BBS9: variants seen among roughly 807,000 people sequenced by gnomAD.
The protein encoded by BBS9 is Bardet-Biedl syndrome 9, also known as protein PTHB1.
A neutral mutation model predicts 117.7 loss-of-function variants in BBS9; 89 were observed. The observed-to-expected ratio is 0.76, with a 90% CI of 0.64 to 0.90. BBS9 has a LOEUF of 0.90. BBS9 is among the 40% of genes least tolerant of loss of function. BBS9 has a pLI of 0.00. For synonymous variants in BBS9, 379 were observed against 370.9 expected, an observed-to-expected ratio of 1.02 and a Z score of -0.25; for missense variants, 982 against 1,042.2, an observed-to-expected ratio of 0.94 and a Z score of 0.80.
chr7:33,314,788 A>G (rs1810122027), intron 9 of BBS9, among the ~76,000 whole-genome samples: 1 of 152,238 alleles, frequency 6.6e-6, no homozygotes, highest in African/African-American at 2.4e-5. Flanking sequence ...ACACACATGC[A>G]CAAAAATGCA....
intron 19 of BBS9, among the ~76,000 whole-genome samples, chr7:33,423,173 A>T (rs1360934114): frequency 1.3e-5 from 2 of 152,112 alleles, no homozygotes. Flanking sequence ...TGAGGGGCTG[A>T]GACATTAACA....
chr7:33,214,257 T>A (rs1222842295), intron 5 of BBS9, among the ~76,000 whole-genome samples: 1 of 152,158 alleles, frequency 6.6e-6, no homozygotes, highest in Non-Finnish European at 1.5e-5. Flanking sequence ...TACTCTCTGT[T>A]ATATCAGGGC....
intron 21 of BBS9, among the ~76,000 whole-genome samples, chr7:33,547,631 G>A (rs989699390): frequency 6.6e-6 from 1 of 152,154 alleles, no homozygotes; most frequent in Non-Finnish European, 1.5e-5. Flanking sequence ...GGGGTAAATG[G>A]TCAGGTTATA....
At chr7:33,241,755 T>G (rs1044101911) in intron 5 of BBS9, among the ~76,000 whole-genome samples, 2 of 152,106 alleles carry the variant, frequency 1.3e-5, no homozygotes, top group African/African-American at 4.8e-5. Flanking sequence ...ATTATTATAT[T>G]TTTTATTTCT....
In BBS9 at chr7:33,534,013, G is replaced by C. The variant is rs377403564; in HGVS notation, c.2358G>C (p.Lys786Asn). The change falls in exon 21 of 23, where the codon AAG becomes AAC. Residue 786 changes from lysine (K) to asparagine (N), a missense_variant. By Grantham distance (94) the Lys-to-Asn change is moderately conservative. Transcript: ENST00000242067. ...ACCTGTTGAAGACTTGCCTGTCGAA[G>C]AGTTCTAAGGAGCAGGCTTTGAACC... is the stretch of plus-strand genomic sequence containing the variant. ...ISHLLKTCLS[K>N]SSKEQALNLN... 6.8e-6 allele frequency: 11 copies of C among 1,614,110 alleles called. No homozygotes were observed. In the African/African-American group the frequency reaches 1.3e-4, roughly 20 times the overall value.
At chr7:33,141,173 A>C (rs1408533118) in intron 1 of BBS9, among the ~76,000 whole-genome samples, 1 of 151,962 alleles carries the variant, frequency 6.6e-6, no homozygotes, top group Non-Finnish European at 1.5e-5. Flanking sequence ...CTATAATTCC[A>C]CCACTTTGGG....
intron 5 of BBS9, among the ~76,000 whole-genome samples, chr7:33,194,746 T>TTC (rs1187654344): frequency 1.3e-5 from 2 of 152,226 alleles, no homozygotes; most frequent in African/African-American, 2.4e-5. Flanking sequence ...TACACTTTAT[T>TTC]TCTTCTAAGC....
In BBS9 at chr7:33,273,917, T is replaced by C; in HGVS notation, c.977T>C (p.Leu326Pro). The C allele has an allele frequency of 6.2e-7, 1 of 1,613,662 alleles. No individual in the cohort carries two copies. Among genetic ancestry groups the C allele is most frequent in the Non-Finnish European group, 8.5e-7 (1 of 1,179,724 alleles). ...QDVTLKWATQ[L>P]PHIPVAVRVG... ...GTGACACTGAAGTGGGCCACCCAAC[T>C]TCCCCACATTCCTGTAGCAGTAAGA... Residue 326 changes from leucine (L) to proline (P), a missense_variant, in exon 9 of 23, where the codon CTT (leucine) becomes CCT (proline). Physicochemically the swap from Leu to Pro is moderately conservative, Grantham distance 98. Coordinates refer to ENST00000242067, the MANE Select transcript of BBS9 (RefSeq NM_198428.3).
intron 19 of BBS9, among the ~76,000 whole-genome samples, chr7:33,424,346 T>A (rs1833321504): frequency 6.6e-6 from 1 of 152,198 alleles, no homozygotes; most frequent in Non-Finnish European, 1.5e-5. Context: ...TGTATACATT[T>A]GACACTTTAG....
At chr7:33,551,202 A>C (rs13224193) in intron 21 of BBS9, among the ~76,000 whole-genome samples, 161 of 152,288 alleles carry the variant, frequency 1.1e-3, no homozygotes, top group Non-Finnish European at 1.5e-3. Flanking sequence ...TTGTCCTCGT[A>C]AGGATCATAG....
intron 5 of BBS9, among the ~76,000 whole-genome samples, chr7:33,201,983 G>T (rs1306647506): frequency 6.6e-6 from 1 of 152,154 alleles, no homozygotes; most frequent in Non-Finnish European, 1.5e-5. Flanking sequence ...TGAAAAGCTT[G>T]GTTGTCTGCC....
intron 20 of BBS9, among the ~76,000 whole-genome samples, chr7:33,521,699 T>C (rs1296854026): frequency 6.6e-6 from 1 of 152,166 alleles, no homozygotes; most frequent in African/African-American, 2.4e-5. Flanking sequence ...CTTTCATTTT[T>C]ATGTTATTTT....
At chr7:33,416,599 G>A (rs1315272186) in intron 19 of BBS9, among the ~76,000 whole-genome samples, 1 of 152,064 alleles carries the variant, frequency 6.6e-6, no homozygotes, top group Non-Finnish European at 1.5e-5. Flanking sequence ...AGTGCCTGTT[G>A]TGTGCCAGAC....
chr7:33,359,382 C>T (rs1014058748), intron 16 of BBS9, among the ~76,000 whole-genome samples: 2 of 151,918 alleles, frequency 1.3e-5, no homozygotes, highest in Middle Eastern at 3.2e-3. Context: ...CCATAAGATA[C>T]GAATTGTATA....
chr7:33,473,986 G>A (rs2128960261), intron 19 of BBS9, among the ~76,000 whole-genome samples: 1 of 152,286 alleles, frequency 6.6e-6, no homozygotes, highest in Non-Finnish European at 1.5e-5. Flanking sequence ...GGAAAATGAG[G>A]TTGTTTACAC....
chr7:33,578,098 CAT>C (rs1859251655), intron 21 of BBS9, among the ~76,000 whole-genome samples: 1 of 152,160 alleles, frequency 6.6e-6, no homozygotes, highest in African/African-American at 2.4e-5. Flanking sequence ...TGGATTCAGA[CAT>C]ATCTTTGCCC....
At chr7:33,619,030 A>G (rs1865279228) in intron 21 of BBS9, among the ~76,000 whole-genome samples, 1 of 152,166 alleles carries the variant, frequency 6.6e-6, no homozygotes, top group African/African-American at 2.4e-5. Context: ...CATTAAATAT[A>G]AATAGATTCT....
intron 5 of BBS9, among the ~76,000 whole-genome samples, chr7:33,239,184 T>A (rs761826865): frequency 2.6e-5 from 4 of 152,126 alleles, no homozygotes; most frequent in Non-Finnish European, 5.9e-5. Flanking sequence ...AAGTGACATC[T>A]TCTTATATTT....
At chr7:33,593,083 A>G (rs1254014541) in intron 21 of BBS9, among the ~76,000 whole-genome samples, 2 of 152,154 alleles carry the variant, frequency 1.3e-5, no homozygotes, top group Admixed American at 6.6e-5. Context: ...TGTCTTTCCA[A>G]TTGTACATTG....
Sources: gnomAD v4.1 joint callset for allele counts (sites outside exome capture counted in the v4.1 genomes callset) on GRCh38, gnomAD v4.1.1 for gene constraint, MANE v1.5 for transcripts, NCBI Gene and HGNC (gene_info 2026-07-23, HGNC 2026-07-21) for gene names.